The following DNAH17 variants were observed in gnomAD, a reference collection of about 807,000 sequenced individuals.
The protein encoded by DNAH17 is axonemal beta dynein heavy chain 17.
A neutral mutation model predicts 485.6 loss-of-function variants in DNAH17; 376 were observed. The ratio of observed to expected loss-of-function variants is 0.77; its 90% CI spans 0.71 to 0.84. The LOEUF (loss-of-function observed/expected upper bound fraction) is 0.84. Among genes scored for constraint, DNAH17 ranks in the 40% least tolerant of loss-of-function variants. The pLI is 0.00. For synonymous variants in DNAH17, 3,031 were observed against 2,405.9 expected, an observed-to-expected ratio of 1.26 and a Z score of -7.60; for missense variants, 6,370 against 5,839.3, an observed-to-expected ratio of 1.09 and a Z score of -2.96.
At chr17:78,575,620 C>A (rs1374430858) in intron 1 of DNAH17, among the ~76,000 whole-genome samples, 1 of 152,102 alleles carries the variant, frequency 6.6e-6, no homozygotes, top group Non-Finnish European at 1.5e-5. Context: ...TGCTCTGCAC[C>A]CTTTCTCCCT....
intron 14 of DNAH17, among the ~76,000 whole-genome samples, chr17:78,555,483 G>C (rs1475650687): frequency 7.3e-6 from 1 of 137,594 alleles, no homozygotes; most frequent in Non-Finnish European, 1.5e-5. Context: ...TACGGCCCCT[G>C]GTGATCAGAA....
Position 78,525,103 on chromosome 17 carries a change from C to G in DNAH17, c.3770G>C (p.Gly1257Ala). ...GTCTGGGACGGGGACCTCGAACAGG[C>G]CCCCGGACTTGGACAGCGCCTCCAT... ...GIMEALSKSG[G>A]LFEVPVPDYK... The change falls in exon 25 of 81, where the codon GGC becomes GCC. Residue 1257 changes from glycine to alanine, a missense_variant. Physicochemically the swap from Gly to Ala is moderately conservative, Grantham distance 60. Transcript: ENST00000389840. 6.2e-7 allele frequency: 1 copy of G among 1,613,646 alleles called. No homozygotes were observed. Among genetic ancestry groups the G allele is most frequent in the South Asian group, 1.1e-5 (1 of 91,080 alleles).
intron 14 of DNAH17, among the ~76,000 whole-genome samples, chr17:78,555,187 G>A (rs1453043284): frequency 6.6e-6 from 1 of 152,196 alleles, no homozygotes; most frequent in East Asian, 1.9e-4. Context: ...AGTAAAGGAT[G>A]CATCTACAGG....
chr17:78,426,191 G>A (rs189275950), intron 79 of DNAH17, among the ~76,000 whole-genome samples: 124 of 152,328 alleles, frequency 8.1e-4, no homozygotes, highest in African/African-American at 2.4e-3. Context: ...TATAGAGGAC[G>A]GCTTACCCTT....
chr17:78,504,279 G>A (rs969703544), intron 31 of DNAH17, among the ~76,000 whole-genome samples: 1 of 152,002 alleles, frequency 6.6e-6, no homozygotes, highest in African/African-American at 2.4e-5. Flanking sequence ...TAGCCAGGCT[G>A]GTCTTGAACT....
Position 78,486,236 on chromosome 17 carries a change from C to T in DNAH17, c.7089G>A (p.Met2363Ile), listed in dbSNP as rs763784609. Residue 2363 changes from methionine (M) to isoleucine (I), a missense_variant, in exon 45 of 81, where the codon ATG (methionine) becomes ATA (isoleucine). Met to Ile is a conservative substitution (Grantham distance 10). Transcript: ENST00000389840. ...FTCFWAFGGA[M>I]FQDQLVDYRV... ...CCAGGTGCATCACCTGGTCCTGGAA[C>T]ATGGCGCCACCGAAGGCCCAGAAGC... is the stretch of plus-strand genomic sequence containing the variant. The T allele has an allele frequency of 5.7e-6, 9 of 1,589,028 alleles. No homozygotes were observed. Among genetic ancestry groups the T allele is most frequent in the Middle Eastern group, 1.7e-4 (1 of 5,944 alleles).
intron 26 of DNAH17, among the ~76,000 whole-genome samples, chr17:78,510,893 G>A (rs671972): frequency 0.71 from 108,245 of 152,130 alleles, 39,191 homozygotes; most frequent in African/African-American, 0.85. Flanking sequence ...AAGTGTCCTC[G>A]TGACAGGAAG....
chr17:78,472,895 C>T (rs1279406496), intron 54 of DNAH17: 1 of 336,798 alleles, frequency 3.0e-6, no homozygotes, highest in Non-Finnish European at 6.1e-6. Context: ...TAGAACACTA[C>T]CACATCCTGC....
At chr17:78,485,475 G>T (rs1056169856) in intron 47 of DNAH17, 75 bp downstream of exon 47, 4 of 1,417,712 alleles carry the variant, frequency 2.8e-6, no homozygotes, top group Non-Finnish European at 3.8e-6. Flanking sequence ...TGGGCCTGCA[G>T]TGAGAGGGGA....
At chr17:78,448,440 T>A (rs117254878) in intron 69 of DNAH17, among the ~76,000 whole-genome samples, 9,138 of 152,220 alleles carry the variant, frequency 0.06, 371 homozygotes, top group Non-Finnish European at 0.098. Context: ...AGTGGGAGGA[T>A]TGCTTGAGTC....
intron 48 of DNAH17, among the ~76,000 whole-genome samples, chr17:78,482,626 G>C (rs1212390663): frequency 6.6e-6 from 1 of 152,080 alleles, no homozygotes; most frequent in Non-Finnish European, 1.5e-5. Context: ...TGTTGTCCCT[G>C]TTTGCTTCTG....
At chr17:78,465,512 T>A (rs62073510) in intron 56 of DNAH17, among the ~76,000 whole-genome samples, 2 of 18,826 alleles carry the variant, frequency 1.1e-4, no homozygotes, top group African/African-American at 1.5e-4. Flanking sequence ...CGCCATCACA[T>A]CTAGGAAGTG....
intron 42 of DNAH17, among the ~76,000 whole-genome samples, chr17:78,491,841 TCA>T (rs1164180680): frequency 6.6e-6 from 1 of 152,122 alleles, no homozygotes; most frequent in East Asian, 1.9e-4. Flanking sequence ...CCTGGCTGGC[TCA>T]GTTTTTCCAG....
chr17:78,502,952 G>C lies in DNAH17; in HGVS notation c.5016C>G (p.Ile1672Met). The C allele has an allele frequency of 6.2e-7, 1 of 1,613,970 alleles. No homozygotes were observed. The highest frequency in any genetic ancestry group is 8.5e-7 in the Non-Finnish European group (1 of 1,179,916). ...DRMCSTLRHE[I>M]PEAVVTYEEK... ...CTTCGTAGGTCACCACGGCCTCTGGGATTTCGTGCCGGAGGGTAGAGCACA... is the reference window on the plus strand; with the variant it reads ...CTTCGTAGGTCACCACGGCCTCTGGCATTTCGTGCCGGAGGGTAGAGCACA... The change falls in exon 32 of 81, where the codon ATC becomes ATG. Residue 1672 changes from isoleucine (I) to methionine (M), a missense_variant. By Grantham distance (10) the Ile-to-Met change is conservative. Transcript: ENST00000389840.
At position 78,426,409 on chromosome 17, in the gene DNAH17, A is replaced by G. The variant is rs768181621; in HGVS notation, c.12915+48T>C. 2.0e-6 allele frequency: 3 copies of G among 1,526,916 alleles called. No homozygotes were observed. The Admixed American group carries it at 6.3e-5, about 32-fold the overall frequency. 94.6% of individuals were successfully genotyped at this position (1,526,916 alleles called of 1,614,324 possible). On this transcript the variant is annotated intron_variant, in intron 79 of 80. Coordinates refer to ENST00000389840, the MANE Select transcript of DNAH17 (RefSeq NM_173628.4). ...GTGTGGGGTGTGCCGAGCTCTGGGC[A>G]CTCGGTCCCCGAGTCTTAGGAAGCC...
chr17:78,492,676 C>T lies in DNAH17; in HGVS notation c.6498G>A (p.Glu2166=). ...DLDPKAVTCD[E]LFGIINPVTR... is the part of the protein sequence containing the mutation. ...TCACTGGGTTGATGATGCCAAAGAGCTCGTCGCAGGTGACGGCCTTGGGGT... is the reference window on the plus strand; with the variant it reads ...TCACTGGGTTGATGATGCCAAAGAGTTCGTCGCAGGTGACGGCCTTGGGGT... The change falls in exon 42 of 81, where the codon GAG becomes GAA. Residue 2166 remains glutamate, a synonymous_variant. Coordinates refer to ENST00000389840, the MANE Select transcript of DNAH17 (RefSeq NM_173628.4). 6.2e-7 allele frequency: 1 copy of T among 1,613,668 alleles called. No homozygotes were observed. The highest frequency in any genetic ancestry group is 8.5e-7 in the Non-Finnish European group (1 of 1,179,798).
At chr17:78,577,127 G>A (rs113539404) in intron 1 of DNAH17, among the ~76,000 whole-genome samples, 168 bp downstream of exon 1, 4 of 152,216 alleles carry the variant, frequency 2.6e-5, no homozygotes, top group African/African-American at 7.2e-5. Flanking sequence ...AGCCAGCCTC[G>A]GGGTCCCAGA....
intron 26 of DNAH17, among the ~76,000 whole-genome samples, chr17:78,511,890 G>A (rs529759438): frequency 2.0e-5 from 3 of 152,344 alleles, no homozygotes; most frequent in Admixed American, 6.5e-5. Flanking sequence ...CCAGGCATCC[G>A]GGAAATTTTT....
At chr17:78,473,086 A>G (rs892166901) in intron 54 of DNAH17, among the ~76,000 whole-genome samples, 3 of 152,140 alleles carry the variant, frequency 2.0e-5, no homozygotes, top group African/African-American at 7.2e-5. Flanking sequence ...ATAATCACAA[A>G]CATATATGTT....
Sources: gnomAD v4.1 joint callset for allele counts (sites outside exome capture counted in the v4.1 genomes callset) on GRCh38, gnomAD v4.1.1 for gene constraint, MANE v1.5 for transcripts, NCBI Gene and HGNC (gene_info 2026-07-23, HGNC 2026-07-21) for gene names.